The following NIPSNAP3B variants were observed in gnomAD, a reference collection of about 807,000 sequenced individuals.
NIPSNAP3B encodes the protein protein NipSnap homolog 3B.
Under a neutral mutation model 31.5 loss-of-function variants are expected in NIPSNAP3B, and 30 were observed. The observed-to-expected ratio is 0.95, with a 90% confidence interval of 0.71 to 1.29. NIPSNAP3B has a LOEUF of 1.29. NIPSNAP3B is among the 50% of genes most tolerant of loss of function. The probability of loss-of-function intolerance (pLI) is 0.00; values close to 1 mark genes in which losing one functional copy is unlikely to be tolerated. For synonymous variants in NIPSNAP3B, 106 were observed against 107.9 expected (o/e 0.98, Z 0.11); for missense variants, 269 against 300.7 (o/e 0.89, Z 0.78).
At chr9:104,769,988 A>G (rs1828179175) in intron 3 of NIPSNAP3B, among the ~76,000 whole-genome samples, 1 of 152,306 alleles carries the variant, frequency 6.6e-6, no homozygotes, top group African/African-American at 2.4e-5. Context: ...TTTAAATTTC[A>G]TTTTATGTCT....
the NIPSNAP3B span, chr9:104,782,796 A>G: frequency 6.6e-6 from 1 of 151,248 alleles, no homozygotes; most frequent in Non-Finnish European, 1.5e-5. Context: ...TGAAGAATTC[A>G]TTGTTTAGAC....
At position 104,776,633 on chromosome 9, in the gene NIPSNAP3B, C is replaced by A. The variant is rs1252009196; in HGVS notation, c.*3560C>A. Among the ~76,000 whole-genome samples, 1 of 152,138 alleles carries A rather than the reference C, an allele frequency of 6.6e-6. No homozygotes were observed. Among genetic ancestry groups the A allele is most frequent in the Non-Finnish European group, 1.5e-5 (1 of 68,022 alleles). On this transcript the variant is annotated 3_prime_UTR_variant, in exon 6 of 6. Transcript: ENST00000374762. The stretch of plus-strand genomic sequence containing the variant: ...GAGAAAGAAATGTTTGTTGTTTAAG[C>A]CACCCTGTCTATGGTACTCTTGTTA...
At chr9:104,787,812 G>T in the NIPSNAP3B span, 1 of 1,610,468 alleles carries the variant, frequency 6.2e-7, no homozygotes, top group East Asian at 2.2e-5. Flanking sequence ...GCTGTCCCTG[G>T]GGGAAGACAA....
At chr9:104,781,963 T>C (rs1828572563), downstream of NIPSNAP3B, 1 of 152,158 alleles carries the variant, frequency 6.6e-6, no homozygotes. Context: ...ATAGATTGTT[T>C]CTAGCTTCAG....
chr9:104,775,248 A>G lies in NIPSNAP3B; in HGVS notation c.*2175A>G, dbSNP rs1828311350. 6.6e-6 allele frequency among the ~76,000 whole-genome samples: 1 copy of G among 151,992 alleles called. No homozygotes were observed. The highest frequency in any genetic ancestry group is 2.4e-5 in the African/African-American group (1 of 41,396). ...TTTTTTTCCTTTACAATATGACTCA[A>G]AAGAGTAGTTCATACTTCCTGCCTC... On this transcript the variant is annotated 3_prime_UTR_variant, in exon 6 of 6. Transcript: ENST00000374762.
chr9:104,778,703 T>G (rs1007198715), downstream of NIPSNAP3B, among the ~76,000 whole-genome samples: 1 of 152,174 alleles, frequency 6.6e-6, no homozygotes, highest in Non-Finnish European at 1.5e-5. Flanking sequence ...GCTGGATCTA[T>G]CTCCAAAGTG....
chr9:104,782,154 A>T (rs1828583344), downstream of NIPSNAP3B: 1 of 152,124 alleles, frequency 6.6e-6, no homozygotes, highest in Non-Finnish European at 1.5e-5. Context: ...CATAACTTTG[A>T]TTTTGAAAAA....
chr9:104,767,746 T>A (rs776047041), intron 2 of NIPSNAP3B, among the ~76,000 whole-genome samples: 16 of 152,168 alleles, frequency 1.1e-4, no homozygotes, highest in Non-Finnish European at 2.1e-4. Context: ...TTTAATTGTG[T>A]CCCATTAAAC....
At chr9:104,780,548 C>T (rs979792837), downstream of NIPSNAP3B, among the ~76,000 whole-genome samples, 4 of 152,222 alleles carry the variant, frequency 2.6e-5, no homozygotes, top group Admixed American at 1.3e-4. Flanking sequence ...ATTTCTGTTT[C>T]CATATCTACT....
At chr9:104,790,456 A>G in the NIPSNAP3B span, among the ~76,000 whole-genome samples, 2 of 152,240 alleles carry the variant, frequency 1.3e-5, no homozygotes, top group African/African-American at 4.8e-5. Context: ...TAGGAAATGT[A>G]ACCCACTGGG....
chr9:104,772,208 GT>G (rs56851362), intron 4 of NIPSNAP3B, among the ~76,000 whole-genome samples: 15,736 of 136,600 alleles, frequency 0.12, 1,010 homozygotes, highest in East Asian at 0.27. Context: ...TTTTTTTTTT[GT>G]TTTTTTTTTT....
downstream of NIPSNAP3B, chr9:104,780,958 T>A (rs1049315864): frequency 3.3e-5 from 5 of 152,660 alleles, no homozygotes; most frequent in African/African-American, 1.2e-4. Context: ...AATGGCTTTA[T>A]AACCCTTCAA....
the NIPSNAP3B span, chr9:104,783,115 A>G: frequency 6.6e-6 from 1 of 152,302 alleles, no homozygotes; most frequent in East Asian, 1.9e-4. Context: ...TGACCATCAC[A>G]TTGCTTTCTA....
chr9:104,774,695 T>C lies in NIPSNAP3B; in HGVS notation c.*1622T>C, dbSNP rs1374383070. Among the ~76,000 whole-genome samples, 1 of 152,182 alleles carries C rather than the reference T, an allele frequency of 6.6e-6. No individual in the cohort carries two copies. Among genetic ancestry groups the C allele is most frequent in the Non-Finnish European group, 1.5e-5 (1 of 68,036 alleles). On this transcript the variant is annotated 3_prime_UTR_variant, in exon 6 of 6. Coordinates refer to ENST00000374762, the MANE Select transcript of NIPSNAP3B (RefSeq NM_018376.4). ...AAATAGAATTATGTGGTTTAAATCA[T>C]ATACCTTATTCTTCATACTTAGCTC...
rs180702419 is a variant in NIPSNAP3B, at chr9:104,774,889, C to T, written c.*1816C>T. On this transcript the variant is annotated 3_prime_UTR_variant, in exon 6 of 6. Transcript: ENST00000374762. ...TCTTCGATGACTCCCAGCACCTGCG[C>T]GTCCATCTTCATTCTTAGCCAATGA... is the stretch of plus-strand genomic sequence containing the variant. Among the ~76,000 whole-genome samples, 72 of 152,252 alleles carry T rather than the reference C, an allele frequency of 4.7e-4. No homozygotes were observed. Among genetic ancestry groups the T allele is most frequent in the Non-Finnish European group, 8.5e-4 (58 of 68,032 alleles).
chr9:104,773,865 T>A lies in NIPSNAP3B; in HGVS notation c.*792T>A, dbSNP rs1321498476. 1 of 152,220 alleles carries A rather than the reference T, an allele frequency of 6.6e-6. No individual in the cohort carries two copies. The highest frequency in any genetic ancestry group is 1.5e-5 in the Non-Finnish European group (1 of 68,040). 9.4% of individuals were successfully genotyped at this position (152,220 alleles called of 1,614,324 possible). ...TTCATTGTTTTTTTAAATTCACATTTTATACTTATATGATCTCTAAAGCTC... is the reference window on the plus strand; with the variant it reads ...TTCATTGTTTTTTTAAATTCACATTATATACTTATATGATCTCTAAAGCTC... On this transcript the variant is annotated 3_prime_UTR_variant, in exon 6 of 6. Transcript: ENST00000374762.
the NIPSNAP3B span, chr9:104,787,018 A>G: frequency 6.4e-7 from 1 of 1,553,714 alleles, no homozygotes; most frequent in Non-Finnish European, 8.8e-7. Context: ...TGGGGGGAAA[A>G]AAAATCAAAG....
chr9:104,790,810 AC>A, the NIPSNAP3B span: 7 of 781,000 alleles, frequency 9.0e-6, no homozygotes, highest in South Asian at 1.0e-4. Flanking sequence ...CTATATTTCA[AC>A]ATTTTTATGA....
At chr9:104,784,072 A>G in the NIPSNAP3B span, 1 of 516,910 alleles carries the variant, frequency 1.9e-6, no homozygotes, top group East Asian at 3.4e-5. Flanking sequence ...GGTATAGGTA[A>G]AAAACTAAAT....
Sources: gnomAD v4.1 joint callset for allele counts (sites outside exome capture counted in the v4.1 genomes callset) on GRCh38, gnomAD v4.1.1 for gene constraint, MANE v1.5 for transcripts, NCBI Gene and HGNC (gene_info 2026-07-23, HGNC 2026-07-21) for gene names.